Variants in SLC22A3 observed in about 807,000 individuals in gnomAD.
SLC22A3 encodes EMT organic cation transporter 3.
A neutral mutation model predicts 59.1 loss-of-function variants in SLC22A3; 51 were observed. That is an observed-to-expected ratio of 0.86 (90% CI 0.69 to 1.09). The LOEUF (loss-of-function observed/expected upper bound fraction) is 1.09. Ranked by LOEUF, SLC22A3 falls within the 50% of genes least tolerant of loss-of-function variation. The pLI is 0.00. For missense variants in SLC22A3, 711 were observed against 726.3 expected (o/e 0.98, Z 0.24); for synonymous variants, 325 against 292.0 (o/e 1.11, Z -1.15).
rs771162735 is a variant in SLC22A3, at chr6:160,348,411, G to A, written c.-9G>A. ...GCGCGGGCTGCGGGCGGCGGGCGGC[G>A]GGCGCACCATGCCCTCCTTCGACGA... On this transcript the variant is annotated 5_prime_UTR_variant, in exon 1 of 11. Transcript: ENST00000275300. 1.4e-6 allele frequency: 2 copies of A among 1,449,546 alleles called. No homozygotes were observed. The highest frequency in any genetic ancestry group is 1.5e-5 in the African/African-American group (1 of 67,890). The allele number at this position is 1,449,546 out of a possible 1,614,324, so 89.8% of individuals were successfully genotyped here.
Position 160,447,803 on chromosome 6 carries a change from TAG to T in SLC22A3, c.1597_1598del (p.Glu533LysfsTer9). 6.2e-7 allele frequency: 1 copy of T among 1,613,872 alleles called. No individual in the cohort carries two copies. The highest frequency in any genetic ancestry group is 1.3e-5 in the African/African-American group (1 of 75,004). ...GCCTTGCCAGAGACAGTGGATGATG[TAG>T]AAAAACTTGGCAGGTACTGTACAAA... On this transcript the variant is annotated frameshift_variant, in exon 10 of 11. Coordinates refer to ENST00000275300, the MANE Select transcript of SLC22A3 (RefSeq NM_021977.4). LOFTEE classifies it high-confidence loss of function.
At chr6:160,432,190 A>G (rs758739611) in intron 5 of SLC22A3, among the ~76,000 whole-genome samples, 4 of 152,164 alleles carry the variant, frequency 2.6e-5, no homozygotes, top group Non-Finnish European at 5.9e-5. Context: ...ATTGGTTCAA[A>G]TTGGGTCACG....
chr6:160,426,162 G>C (rs774008160), intron 5 of SLC22A3: 1 of 985,282 alleles, frequency 1.0e-6, no homozygotes, highest in Non-Finnish European at 1.2e-6. Flanking sequence ...AAACTCTTCA[G>C]CTATACCTGA....
chr6:160,378,594 T>G, intron 1 of SLC22A3, among the ~76,000 whole-genome samples: 1 of 152,210 alleles, frequency 6.6e-6, no homozygotes, highest in African/African-American at 2.4e-5. Flanking sequence ...TGGTGGACAG[T>G]AATATATAGA....
In SLC22A3 at chr6:160,348,423, C is replaced by A. The variant is rs1562461642; in HGVS notation, c.4C>A (p.Pro2Thr). The change falls in exon 1 of 11, where the codon CCC (proline) becomes ACC (threonine). Residue 2 changes from proline (P) to threonine (T), a missense_variant. Physicochemically the swap from Pro to Thr is conservative, Grantham distance 38. Coordinates refer to ENST00000275300, the MANE Select transcript of SLC22A3 (RefSeq NM_021977.4). ...GGCGGCGGGCGGCGGGCGCACCATG[C>A]CCTCCTTCGACGAGGCGCTGCAGCG... M[P>T]SFDEALQRVG... 6.7e-7 allele frequency: 1 copy of A among 1,493,904 alleles called. No individual in the cohort carries two copies. The highest frequency in any genetic ancestry group is 8.9e-7 in the Non-Finnish European group (1 of 1,126,282). The allele number at this position is 1,493,904 out of a possible 1,614,324, so 92.5% of individuals were successfully genotyped here. A position where few individuals can be genotyped will look rare whatever the true frequency, so the allele number is the denominator to read the frequency against.
intron 2 of SLC22A3, among the ~76,000 whole-genome samples, chr6:160,406,716 C>A (rs1451569555): frequency 6.6e-6 from 1 of 152,182 alleles, no homozygotes; most frequent in African/African-American, 2.4e-5. Flanking sequence ...CTTCTTTCTG[C>A]CTCTCTGTCC....
intron 1 of SLC22A3, among the ~76,000 whole-genome samples, chr6:160,385,807 A>AAAAT (rs1206574228): frequency 6.6e-6 from 1 of 152,174 alleles, no homozygotes; most frequent in Non-Finnish European, 1.5e-5. Context: ...TCTCTGTCAA[A>AAAAT]ACTTCCCCAA....
At position 160,378,214 on chromosome 6, in the gene SLC22A3, T is replaced by C. The variant is rs12204009; in HGVS notation, c.430-19765T>C. Among the ~76,000 whole-genome samples the C allele has an allele frequency of 2.7e-3, 418 of 152,342 alleles. 2 individuals are homozygous for C. Among genetic ancestry groups the C allele is most frequent in the Non-Finnish European group, 5.0e-3 (340 of 68,036 alleles). On this transcript the variant is annotated intron_variant, in intron 1 of 10. Coordinates refer to ENST00000275300, the MANE Select transcript of SLC22A3 (RefSeq NM_021977.4). ...AGAATATAGCTTTCTAATATTTGTA[T>C]AAAAGTCAATGATATTTAGAAGTTT...
At chr6:160,393,320 G>T (rs1208343054) in intron 1 of SLC22A3, among the ~76,000 whole-genome samples, 1 of 151,044 alleles carries the variant, frequency 6.6e-6, no homozygotes, top group Non-Finnish European at 1.5e-5. Context: ...TTAAGTTTTA[G>T]GGTACATGTG....
chr6:160,451,246 G>C lies in SLC22A3; in HGVS notation c.*190G>C. On this transcript the variant is annotated 3_prime_UTR_variant, in exon 11 of 11. Transcript: ENST00000275300. ...ATGAGTTAGGATTTGTAATGCTGTT[G>C]AAGTTTCTGGGAACACATAATATGT... 1 of 597,684 alleles carries C rather than the reference G, an allele frequency of 1.7e-6. No homozygotes were observed. The highest frequency in any genetic ancestry group is 3.0e-6 in the Non-Finnish European group (1 of 335,116). The allele number at this position is 597,684 out of a possible 1,614,324, so 37.0% of individuals were successfully genotyped here. A position where few individuals can be genotyped will look rare whatever the true frequency, so the allele number is the denominator to read the frequency against.
At chr6:160,349,280 A>G (rs474513) in intron 1 of SLC22A3, among the ~76,000 whole-genome samples, 76,240 of 151,922 alleles carry the variant, frequency 0.5, 19,464 homozygotes, top group African/African-American at 0.59. Flanking sequence ...GGATTCGCTT[A>G]TGGTCTCCAG....
At chr6:160,423,914 G>C (rs1758436523) in intron 5 of SLC22A3, among the ~76,000 whole-genome samples, 1 of 152,158 alleles carries the variant, frequency 6.6e-6, no homozygotes, top group African/African-American at 2.4e-5. Flanking sequence ...TGTCCTGAAT[G>C]GTATTGCCTA....
intron 5 of SLC22A3, among the ~76,000 whole-genome samples, chr6:160,420,739 C>T (rs1787695277): frequency 6.6e-6 from 1 of 152,184 alleles, no homozygotes; most frequent in African/African-American, 2.4e-5. Flanking sequence ...GTCCTCATCT[C>T]CCCAGTTATG....
intron 2 of SLC22A3, among the ~76,000 whole-genome samples, chr6:160,401,497 A>C (rs1021785308): frequency 5.9e-5 from 9 of 152,036 alleles, no homozygotes; most frequent in African/African-American, 2.2e-4. Context: ...TGTTAGACAA[A>C]AATTGAGGGA....
At chr6:160,437,463 C>T (rs1055663028) in intron 7 of SLC22A3, among the ~76,000 whole-genome samples, 8 of 152,148 alleles carry the variant, frequency 5.3e-5, no homozygotes, top group Admixed American at 2.0e-4. Flanking sequence ...TAGCTGATAG[C>T]GATGTGGTTT....
chr6:160,409,627 C>T (rs1194262725), intron 4 of SLC22A3, among the ~76,000 whole-genome samples: 1 of 152,072 alleles, frequency 6.6e-6, no homozygotes, highest in Non-Finnish European at 1.5e-5. Flanking sequence ...AACTAGTTTA[C>T]AGTCCCACCA....
rs1443575020 is a variant in SLC22A3, at chr6:160,424,716, C to T, written c.976-12064C>T. Among the ~76,000 whole-genome samples the T allele has an allele frequency of 3.3e-5, 5 of 152,188 alleles. No individual in the cohort carries two copies. In the South Asian group the frequency reaches 6.2e-4, roughly 19 times the overall value. On this transcript the variant is annotated intron_variant, in intron 5 of 10. Coordinates refer to ENST00000275300, the MANE Select transcript of SLC22A3 (RefSeq NM_021977.4). ...GGTGAATAGGATGGGTTGAGTACCA[C>T]GGTTCCCAGTTGCCTGTCTCTGAAA...
At chr6:160,407,656 G>C (rs1787071064) in intron 3 of SLC22A3, among the ~76,000 whole-genome samples, 1 of 152,082 alleles carries the variant, frequency 6.6e-6, no homozygotes, top group South Asian at 2.1e-4. Flanking sequence ...GGGAGAAATA[G>C]GTTCTAAAAA....
At chr6:160,354,738 G>T (rs774301984) in intron 1 of SLC22A3, among the ~76,000 whole-genome samples, 7 of 152,158 alleles carry the variant, frequency 4.6e-5, no homozygotes, top group Non-Finnish European at 1.0e-4. Flanking sequence ...GAACTGTGCT[G>T]CTGTATTCCA....
Sources: allele counts gnomAD v4.1 joint callset (sites outside exome capture counted in the v4.1 genomes callset), GRCh38; gene constraint gnomAD v4.1.1; transcripts MANE v1.5; gene names NCBI Gene and HGNC (gene_info 2026-07-23, HGNC 2026-07-21).